DKK2: variants seen among roughly 807,000 people sequenced by gnomAD.
DKK2 encodes the protein dickkopf Wnt signaling pathway inhibitor 2, also known as dickkopf-related protein 2.
DKK2 carries 11 observed loss-of-function variants against 28.1 expected under a neutral mutation model. The observed-to-expected ratio is 0.39, with a 90% CI of 0.25 to 0.65. The LOEUF is 0.65. Ranked by LOEUF, DKK2 falls within the 30% of genes least tolerant of loss-of-function variation. The pLI is 0.47. For missense variants in DKK2, 326 were observed against 335.5 expected (o/e 0.97, Z 0.22); for synonymous variants, 135 against 126.5 (o/e 1.07, Z -0.45).
chr4:106,928,794 A>C (rs1291888563), intron 1 of DKK2, among the ~76,000 whole-genome samples: 1 of 152,218 alleles, frequency 6.6e-6, no homozygotes, highest in Non-Finnish European at 1.5e-5. Context: ...ATTTTATTTT[A>C]GTAAAGAGTT....
intron 1 of DKK2, among the ~76,000 whole-genome samples, chr4:106,983,571 C>A (rs1400556381): frequency 6.6e-6 from 1 of 152,098 alleles, no homozygotes; most frequent in South Asian, 2.1e-4. Flanking sequence ...ACCGAAAGCA[C>A]GGTTACCCTC....
chr4:106,965,506 A>G (rs1384610924), intron 1 of DKK2, among the ~76,000 whole-genome samples: 2 of 152,138 alleles, frequency 1.3e-5, no homozygotes, highest in Non-Finnish European at 2.9e-5. Context: ...TTATATTTAT[A>G]TAATTATTTC....
intron 1 of DKK2, among the ~76,000 whole-genome samples, chr4:106,988,520 AC>A (rs1341384822): frequency 6.6e-6 from 1 of 151,952 alleles, no homozygotes; most frequent in Non-Finnish European, 1.5e-5. Context: ...AGTTCCTGTT[AC>A]TCTCCTTTTA....
intron 1 of DKK2, among the ~76,000 whole-genome samples, chr4:106,989,727 T>G (rs752614223): frequency 5.3e-4 from 80 of 152,212 alleles, no homozygotes; most frequent in Non-Finnish European, 9.7e-4. Flanking sequence ...TTAATCATAG[T>G]AGATTGTTCT....
intron 1 of DKK2, among the ~76,000 whole-genome samples, chr4:106,968,640 G>A (rs1232891836): frequency 1.3e-4 from 20 of 152,060 alleles, no homozygotes; most frequent in Non-Finnish European, 8.8e-5. Context: ...GTGACACAGT[G>A]CGCCTAACAG....
chr4:107,027,470 A>G (rs1328736000), intron 1 of DKK2, among the ~76,000 whole-genome samples: 7 of 151,874 alleles, frequency 4.6e-5, no homozygotes, highest in African/African-American at 1.5e-4. Flanking sequence ...GAAAAAAAAA[A>G]AAAGAAAGAA....
intron 1 of DKK2, among the ~76,000 whole-genome samples, chr4:106,967,390 G>T (rs1722798605): frequency 6.6e-6 from 1 of 152,088 alleles, no homozygotes; most frequent in Admixed American, 6.6e-5. Context: ...TTACCTAGTT[G>T]CAATGAGAGC....
At chr4:106,937,030 C>G (rs1021600110) in intron 1 of DKK2, among the ~76,000 whole-genome samples, 6 of 152,066 alleles carry the variant, frequency 3.9e-5, no homozygotes, top group Non-Finnish European at 8.8e-5. Context: ...ATGTAAAGAC[C>G]ATCAAGACTA....
chr4:107,026,641 G>A (rs577745915), intron 1 of DKK2, among the ~76,000 whole-genome samples: 4 of 152,246 alleles, frequency 2.6e-5, no homozygotes, highest in African/African-American at 9.6e-5. Context: ...AAACAGACCA[G>A]AGCACAGAAT....
chr4:106,984,049 A>G (rs927943525), intron 1 of DKK2, among the ~76,000 whole-genome samples: 2 of 152,204 alleles, frequency 1.3e-5, no homozygotes, highest in Non-Finnish European at 2.9e-5. Context: ...CAGTTTGTCA[A>G]TGTCTTAAAG....
At chr4:106,935,710 G>C (rs1056322148) in intron 1 of DKK2, among the ~76,000 whole-genome samples, 2 of 152,180 alleles carry the variant, frequency 1.3e-5, no homozygotes, top group East Asian at 3.9e-4. Flanking sequence ...AGACTTAAAT[G>C]TCCCTGTCTG....
chr4:106,987,433 C>A (rs1578369005), intron 1 of DKK2, among the ~76,000 whole-genome samples: 1 of 152,196 alleles, frequency 6.6e-6, no homozygotes, highest in African/African-American at 2.4e-5. Context: ...ACACCCACGT[C>A]CCTTTCTTGT....
intron 1 of DKK2, among the ~76,000 whole-genome samples, chr4:107,028,112 A>C (rs763993025): frequency 8.5e-5 from 13 of 152,090 alleles, no homozygotes; most frequent in Non-Finnish European, 1.5e-4. Flanking sequence ...CAATTCCACT[A>C]ATTACTTAAT....
At chr4:106,941,832 AG>A (rs762889740) in intron 1 of DKK2, among the ~76,000 whole-genome samples, 2 of 152,266 alleles carry the variant, frequency 1.3e-5, no homozygotes, top group East Asian at 3.9e-4. Context: ...CCCAGCATGG[AG>A]GGAATTTTTC....
chr4:106,981,295 G>T (rs1723024278), intron 1 of DKK2, among the ~76,000 whole-genome samples: 1 of 152,028 alleles, frequency 6.6e-6, no homozygotes, highest in African/African-American at 2.4e-5. Context: ...AATATTTCTA[G>T]CCTTTAATTG....
Position 107,035,923 on chromosome 4 carries a change from T to G in DKK2, c.-332A>C. 1 of 346,062 alleles carries G rather than the reference T, an allele frequency of 2.9e-6. No individual in the cohort carries two copies. The highest frequency in any genetic ancestry group is 5.4e-6 in the Non-Finnish European group (1 of 184,310). 21.4% of individuals were successfully genotyped at this position (346,062 alleles called of 1,614,324 possible). A position where few individuals can be genotyped will look rare whatever the true frequency, so the allele number is the denominator to read the frequency against. On this transcript the variant is annotated 5_prime_UTR_variant, in exon 1 of 4. Transcript: ENST00000285311. ...AGCCCTGTGGATCGCACCGCTTCCG[T>G]TCCTTCTTGCCCCGCACCTCCTTGG...
chr4:106,967,698 T>A (rs1419945243), intron 1 of DKK2, among the ~76,000 whole-genome samples: 3 of 150,212 alleles, frequency 2.0e-5, no homozygotes, highest in African/African-American at 7.4e-5. Context: ...AGCTGATAAA[T>A]ATTTGTTAGG....
chr4:107,009,747 CTTTG>C (rs1374332629), intron 1 of DKK2, among the ~76,000 whole-genome samples: 1 of 151,738 alleles, frequency 6.6e-6, no homozygotes, highest in East Asian at 1.9e-4. Flanking sequence ...CAAGCCCTCA[CTTTG>C]ACACAGCATT....
chr4:106,966,801 C>G (rs530827500), intron 1 of DKK2, among the ~76,000 whole-genome samples: 1 of 152,134 alleles, frequency 6.6e-6, no homozygotes, highest in Admixed American at 6.5e-5. Flanking sequence ...TTGAAACCAA[C>G]AGATCTCATG....
Sources: allele counts gnomAD v4.1 joint callset (sites outside exome capture counted in the v4.1 genomes callset), GRCh38; gene constraint gnomAD v4.1.1; transcripts MANE v1.5; gene names NCBI Gene and HGNC (gene_info 2026-07-23, HGNC 2026-07-21).